CDHR3: variants seen among roughly 807,000 people sequenced by gnomAD.
CDHR3 encodes cadherin related family member 3.
CDHR3 carries 79 observed loss-of-function variants against 86.6 expected under a neutral mutation model. The observed-to-expected ratio is 0.91, with a 90% CI of 0.76 to 1.10. The LOEUF is 1.10. CDHR3 is among the 50% of genes least tolerant of loss of function. CDHR3 has a pLI of 0.00. For missense variants in CDHR3, 1,081 were observed against 1,077.6 expected, an observed-to-expected ratio of 1.00 and a Z score of -0.04; for synonymous variants, 421 against 402.4, an observed-to-expected ratio of 1.05 and a Z score of -0.55.
At chr7:106,006,701 G>A (rs961619565) in intron 8 of CDHR3, among the ~76,000 whole-genome samples, 2 of 152,190 alleles carry the variant, frequency 1.3e-5, no homozygotes, top group African/African-American at 4.8e-5. Flanking sequence ...GGCTTTGCAG[G>A]GTACAGCTTC....
At position 106,001,448 on chromosome 7, in the gene CDHR3, T is replaced by C; in HGVS notation, c.714-14T>C. The C allele has an allele frequency of 6.2e-7, 1 of 1,613,250 alleles. No homozygotes were observed. The highest frequency in any genetic ancestry group is 2.2e-5 in the East Asian group (1 of 44,880). ...CCCTGGAAATTAGCTGTGTCTGCTG[T>C]ATCTCTGTTCCAGCCCGACACGAGT... On this transcript the variant is annotated splice_polypyrimidine_tract_variant and intron_variant, in intron 6 of 18. Transcript: ENST00000317716.
intron 11 of CDHR3, among the ~76,000 whole-genome samples, chr7:106,016,998 G>A (rs1835732888): frequency 2.0e-5 from 3 of 152,156 alleles, no homozygotes; most frequent in Admixed American, 2.0e-4. Context: ...TACAAAACAA[G>A]CCAGAATGCT....
intron 12 of CDHR3, 90 bp downstream of exon 12, chr7:106,018,162 G>C: frequency 1.0e-6 from 1 of 968,420 alleles, no homozygotes; most frequent in Non-Finnish European, 1.6e-6. Flanking sequence ...GTGGCAATGA[G>C]GAAACTTCCC....
intron 6 of CDHR3, among the ~76,000 whole-genome samples, chr7:105,997,263 T>C (rs1832393332): frequency 6.6e-6 from 1 of 152,210 alleles, no homozygotes; most frequent in Admixed American, 6.5e-5. Context: ...ACTAACCTGG[T>C]GCCACTTGGC....
intron 4 of CDHR3, among the ~76,000 whole-genome samples, chr7:105,985,267 C>T (rs114541): frequency 0.41 from 62,854 of 151,882 alleles, 13,463 homozygotes; most frequent in South Asian, 0.6. Flanking sequence ...TGGGAGTGGA[C>T]GCCTCAGCTC....
At chr7:106,007,174 AG>A (rs1834054340) in intron 8 of CDHR3, among the ~76,000 whole-genome samples, 1 of 152,194 alleles carries the variant, frequency 6.6e-6, no homozygotes, top group African/African-American at 2.4e-5. Flanking sequence ...CACACAAGAG[AG>A]GGACCCAGGG....
In CDHR3 at chr7:105,975,192, C is replaced by T. The variant is rs999193524; in HGVS notation, c.249+146C>T. ...GGTCCAGGAGTCCTGTCTGAGGCAT[C>T]CCAGGGCCTTCTGTGCTAAGATGCT... On this transcript the variant is annotated intron_variant, in intron 2 of 18. Transcript: ENST00000317716. 15 of 714,892 alleles carry T rather than the reference C, an allele frequency of 2.1e-5. No individual in the cohort carries two copies. The African/African-American group carries it at 2.6e-4, about 12-fold the overall frequency. The allele number at this position is 714,892 out of a possible 1,614,324, so 44.3% of individuals were successfully genotyped here. A position where few individuals can be genotyped will look rare whatever the true frequency, so the allele number is the denominator to read the frequency against.
intron 17 of CDHR3, 54 bp downstream of exon 17, chr7:106,028,636 C>A: frequency 6.2e-7 from 1 of 1,600,338 alleles, no homozygotes. Flanking sequence ...ATAGGGGCTC[C>A]CGTCTCCCCC....
At chr7:105,964,617 G>A (rs1022468050) in intron 1 of CDHR3, among the ~76,000 whole-genome samples, 2 of 151,670 alleles carry the variant, frequency 1.3e-5, no homozygotes. Context: ...ATTAATATAA[G>A]AATATTACAG....
rs530905605 is a variant in CDHR3 at position 106,032,346 on chromosome 7, A to C, written c.2354-47A>C. 5.9e-5 allele frequency: 90 copies of C among 1,537,296 alleles called. No homozygotes were observed. The Middle Eastern group carries it at 1.2e-3, about 20-fold the overall frequency. On this transcript the variant is annotated intron_variant, in intron 18 of 18. Coordinates refer to ENST00000317716, the MANE Select transcript of CDHR3 (RefSeq NM_152750.5). ...GGTAGAAGTGGGGGAAGAGACAGTC[A>C]TTGGAATTTTCTGGCTTATGTGATT... is the stretch of plus-strand genomic sequence containing the variant.
chr7:106,012,368 G>C (rs1167599569), intron 8 of CDHR3, among the ~76,000 whole-genome samples: 1 of 152,064 alleles, frequency 6.6e-6, no homozygotes, highest in Non-Finnish European at 1.5e-5. Flanking sequence ...TTAGATAGAT[G>C]AAAGAAAGTG....
intron 2 of CDHR3, among the ~76,000 whole-genome samples, chr7:105,978,869 T>C (rs1027546637): frequency 2.7e-5 from 4 of 149,430 alleles, no homozygotes; most frequent in Non-Finnish European, 4.5e-5. Flanking sequence ...TGGCAATAGG[T>C]AATACTGAGG....
intron 16 of CDHR3, among the ~76,000 whole-genome samples, chr7:106,028,068 C>T (rs546647116): frequency 2.2e-4 from 33 of 151,332 alleles, no homozygotes; most frequent in African/African-American, 7.5e-4. Context: ...AAGGCTGCAG[C>T]GAGTTGTGAC....
chr7:106,027,527 G>T, intron 16 of CDHR3: 1 of 291,576 alleles, frequency 3.4e-6, no homozygotes. Flanking sequence ...AGAGCTGACT[G>T]ACTTCAGAGA....
In CDHR3 at chr7:105,981,079, G is replaced by A; in HGVS notation, c.361G>A (p.Val121Ile). Reference protein sequence around the residue: ...VGVTDLQVLTVQVTDVNEPPQ... With the variant: ...VGVTDLQVLTIQVTDVNEPPQ... ...TGTCACAGACCTGCAAGTCCTGACT[G>A]TCCAGGTAACAGATGTGAACGAGCC... Residue 121 changes from valine (V) to isoleucine (I), a missense_variant, in exon 3 of 19, where the codon GTC becomes ATC. By Grantham distance (29) the Val-to-Ile change is conservative. Coordinates refer to ENST00000317716, the MANE Select transcript of CDHR3 (RefSeq NM_152750.5). 6 of 1,613,668 alleles carry A rather than the reference G, an allele frequency of 3.7e-6. No individual in the cohort carries two copies. The highest frequency in any genetic ancestry group is 5.1e-6 in the Non-Finnish European group (6 of 1,179,754).
Position 105,997,342 on chromosome 7 carries a change from G to A in CDHR3, c.713+988G>A, listed in dbSNP as rs550846928. Among the ~76,000 whole-genome samples, 3 of 151,964 alleles carry A rather than the reference G, an allele frequency of 2.0e-5. No homozygotes were observed. The South Asian group carries it at 6.3e-4, about 32-fold the overall frequency. On this transcript the variant is annotated intron_variant, in intron 6 of 18. Transcript: ENST00000317716. ...AGTCCAGTTGCAGGTGTCAAAGAAT[G>A]CGTCTGCTCCAGCCCTGCAGCCTGG...
In CDHR3 at chr7:106,022,363, C is replaced by T. The variant is rs200750995; in HGVS notation, c.1991C>T (p.Ala664Val). 61 of 1,613,988 alleles carry T rather than the reference C, an allele frequency of 3.8e-5. No individual in the cohort carries two copies. In the African/African-American group the frequency reaches 5.6e-4, roughly 15 times the overall value. Reference sequence around the variant, plus strand: ...AACTTGATGTCTGACAGGAAGAAAGCGGAGGCTCTTGTTGAGACAGGAACA... The same window carrying T: ...AACTTGATGTCTGACAGGAAGAAAGTGGAGGCTCTTGTTGAGACAGGAACA... ...DDNLMSDRKK[A>V]EALVETGTVT... Residue 664 changes from alanine (A) to valine (V), a missense_variant, in exon 14 of 19, where the codon GCG (alanine) becomes GTG (valine). Physicochemically the swap from Ala to Val is moderately conservative, Grantham distance 64 (BLOSUM62 0). Coordinates refer to ENST00000317716, the MANE Select transcript of CDHR3 (RefSeq NM_152750.5).
At chr7:105,997,832 G>A (rs115592140) in intron 6 of CDHR3, among the ~76,000 whole-genome samples, 4,734 of 152,212 alleles carry the variant, frequency 0.031, 147 homozygotes, top group South Asian at 0.18. Context: ...CCTCGCTGGC[G>A]TGGGATGCAC....
chr7:106,028,632 G>A, intron 17 of CDHR3, 50 bp downstream of exon 17: 1 of 1,604,860 alleles, frequency 6.2e-7, no homozygotes, highest in Non-Finnish European at 8.5e-7. Context: ...GGGGATAGGG[G>A]CTCCCGTCTC....
Sources: allele counts gnomAD v4.1 joint callset (sites outside exome capture counted in the v4.1 genomes callset), GRCh38; gene constraint gnomAD v4.1.1; transcripts MANE v1.5; gene names NCBI Gene and HGNC (gene_info 2026-07-23, HGNC 2026-07-21).